CEP68: variants seen among roughly 807,000 people sequenced by gnomAD.
CEP68 encodes the protein centrosomal protein 68, also known as centrosomal protein of 68 kDa.
A neutral mutation model predicts 55.3 loss-of-function variants in CEP68; 26 were observed. That is an observed-to-expected ratio of 0.47 (90% CI 0.34 to 0.65). The LOEUF is 0.65. CEP68 is among the 30% of genes least tolerant of loss of function. CEP68 has a pLI of 0.01. For missense variants in CEP68, 957 were observed against 946.7 expected, an observed-to-expected ratio of 1.01 and a Z score of -0.14; for synonymous variants, 402 against 383.2, an observed-to-expected ratio of 1.05 and a Z score of -0.57.
intron 2 of CEP68, among the ~76,000 whole-genome samples, chr2:65,070,113 C>T (rs536208905): frequency 6.6e-6 from 1 of 152,236 alleles, no homozygotes; most frequent in Non-Finnish European, 1.5e-5. Context: ...AGAGCCCTGC[C>T]GTGTTTCTGA....
chr2:65,071,241 A>T (rs1196512743), intron 2 of CEP68: 4 of 582,274 alleles, frequency 6.9e-6, no homozygotes, highest in Non-Finnish European at 1.2e-5. Flanking sequence ...AGGACTGGAG[A>T]TGGGAGTCAT....
rs753193914 is a variant in CEP68 at position 65,072,572 on chromosome 2, T to G, written c.1476T>G (p.Val492=). ...YLALPARLTQ[V]SSLVSYLGSI... ...CCCTCCCCGCTCGGCTGACACAGGT[T>G]TCTAGCCTGGTTTCGTATCTAGGAT... Residue 492 remains valine, a synonymous_variant, in exon 3 of 7, where the codon GTT becomes GTG. Coordinates refer to ENST00000377990, the MANE Select transcript of CEP68 (RefSeq NM_015147.3). 3.7e-6 allele frequency: 6 copies of G among 1,613,920 alleles called. No homozygotes were observed. Among genetic ancestry groups the G allele is most frequent in the Non-Finnish European group, 4.2e-6 (5 of 1,179,990 alleles).
intron 6 of CEP68, among the ~76,000 whole-genome samples, chr2:65,082,955 C>T (rs1371248253): frequency 6.6e-6 from 1 of 152,208 alleles, no homozygotes; most frequent in Non-Finnish European, 1.5e-5. Context: ...GCTGCCATTT[C>T]TATGGCACTT....
Position 65,084,987 on chromosome 2 carries a change from T to A in CEP68, c.*1353T>A, listed in dbSNP as rs1332250646. ...AATAATTGTCAATTATAAACCTGTA[T>A]GTAAAACATTCTTGAAAACCTAGAG... On this transcript the variant is annotated 3_prime_UTR_variant, in exon 7 of 7. Coordinates refer to ENST00000377990, the MANE Select transcript of CEP68 (RefSeq NM_015147.3). 6.6e-6 allele frequency: 1 copy of A among 152,232 alleles called. No individual in the cohort carries two copies. The highest frequency in any genetic ancestry group is 1.5e-5 in the Non-Finnish European group (1 of 68,044). The allele number at this position is 152,232 out of a possible 1,614,324, so 9.4% of individuals were successfully genotyped here.
At chr2:65,079,043 C>G (rs943948283) in intron 5 of CEP68, among the ~76,000 whole-genome samples, 1 of 152,142 alleles carries the variant, frequency 6.6e-6, no homozygotes, top group Non-Finnish European at 1.5e-5. Context: ...GATGGCAGCC[C>G]CTAATTTCCT....
Position 65,069,639 on chromosome 2 carries a change from T to C in CEP68, c.195T>C (p.Thr65=), listed in dbSNP as rs780134055. 1.9e-6 allele frequency: 3 copies of C among 1,614,056 alleles called. No homozygotes were observed. The highest frequency in any genetic ancestry group is 2.5e-6 in the Non-Finnish European group (3 of 1,180,028). Reference sequence around the variant, plus strand: ...GGGCAGAAGGGATACCTGCCCCTACTTGCTGGATTGGGACTGACCCTGGCG... The same window carrying C: ...GGGCAGAAGGGATACCTGCCCCTACCTGCTGGATTGGGACTGACCCTGGCG... The part of the protein sequence containing the change: ...VWGAEGIPAP[T]CWIGTDPGGP... Residue 65 remains threonine (T), a synonymous_variant, in exon 2 of 7, where the codon ACT becomes ACC. Transcript: ENST00000377990.
At chr2:65,066,678 GA>G (rs1160130065) in intron 1 of CEP68, among the ~76,000 whole-genome samples, 2 of 129,212 alleles carry the variant, frequency 1.5e-5, no homozygotes, top group Non-Finnish European at 3.1e-5. Context: ...AGTGAGCCGA[GA>G]TCACACCACT....
chr2:65,063,719 C>CAGGG (rs2103752248), intron 1 of CEP68, among the ~76,000 whole-genome samples: 1 of 152,322 alleles, frequency 6.6e-6, no homozygotes, highest in South Asian at 2.1e-4. Context: ...CAGATGCAGA[C>CAGGG]AGGGTTGAGT....
At chr2:65,058,535 T>G (rs113197381) in intron 1 of CEP68, among the ~76,000 whole-genome samples, 6,529 of 138,728 alleles carry the variant, frequency 0.047, 241 homozygotes, top group Non-Finnish European at 0.072. Flanking sequence ...AGAGGGAGTT[T>G]CACTCTTCTT....
intron 4 of CEP68, 181 bp downstream of exon 4, chr2:65,074,585 T>C: frequency 1.2e-6 from 1 of 853,932 alleles, no homozygotes; most frequent in Non-Finnish European, 1.9e-6. Flanking sequence ...ATGCATGAAT[T>C]ATTTCCCAGG....
At chr2:65,061,813 A>G (rs1198824755) in intron 1 of CEP68, among the ~76,000 whole-genome samples, 1 of 152,110 alleles carries the variant, frequency 6.6e-6, no homozygotes, top group Non-Finnish European at 1.5e-5. Flanking sequence ...GGCTTCCCCT[A>G]CGTGTCTTTA....
At chr2:65,081,660 A>T (rs1436889730) in intron 5 of CEP68, among the ~76,000 whole-genome samples, 1 of 152,114 alleles carries the variant, frequency 6.6e-6, no homozygotes. Flanking sequence ...ACACTGCGGG[A>T]GTGAATCTTC....
chr2:65,069,359 A>T (rs1033685820), intron 1 of CEP68, 40 bp from the exon 2 acceptor site: 2 of 1,042,208 alleles, frequency 1.9e-6, no homozygotes, highest in Admixed American at 2.4e-5. Context: ...ACACAGATGT[A>T]GAAGATTTAT....
rs1573056052 is a variant in CEP68 at position 65,084,934 on chromosome 2, A to T, written c.*1300A>T. The T allele has an allele frequency of 6.6e-6, 1 of 152,234 alleles. No homozygotes were observed. Among genetic ancestry groups the T allele is most frequent in the African/African-American group, 2.4e-5 (1 of 41,466 alleles). The allele number at this position is 152,234 out of a possible 1,614,324, so 9.4% of individuals were successfully genotyped here. A position where few individuals can be genotyped will look rare whatever the true frequency, so the allele number is the denominator to read the frequency against. ...TCATCTTAGTTCCATACACACTGAG[A>T]CTTTAAAAGGGAAAAACCACTCTAG... On this transcript the variant is annotated 3_prime_UTR_variant, in exon 7 of 7. Transcript: ENST00000377990.
At chr2:65,066,933 CAA>C (rs1024556121) in intron 1 of CEP68, among the ~76,000 whole-genome samples, 2 of 129,408 alleles carry the variant, frequency 1.5e-5, no homozygotes, top group Non-Finnish European at 1.7e-5. Flanking sequence ...GACTCTGTCT[CAA>C]AAAAAAAAAA....
Position 65,071,583 on chromosome 2 carries a change from G to T in CEP68, c.487G>T (p.Ala163Ser). 6.2e-7 allele frequency: 1 copy of T among 1,614,154 alleles called. No individual in the cohort carries two copies. Among genetic ancestry groups the T allele is most frequent in the Non-Finnish European group, 8.5e-7 (1 of 1,180,020 alleles). ...DDPSLADLPQ[A>S]LDLSQQPHSS... ...TCCATCCCTAGCAGATTTGCCCCAG[G>T]CACTGGACCTCAGCCAGCAGCCTCA... Residue 163 changes from alanine to serine, a missense_variant, in exon 3 of 7, where the codon GCA (alanine) becomes TCA (serine). Coordinates refer to ENST00000377990, the MANE Select transcript of CEP68 (RefSeq NM_015147.3).
In CEP68 at chr2:65,074,394, A is replaced by G. The variant is rs1342278158; in HGVS notation, c.1997A>G (p.Gln666Arg). ...SNLTSLKSSL[Q>R]LYRQFKKDID... ...CTTACAAGTCTCAAGTCTTCTCTGCAGCTTTACCGGGTAATATGCGGTCCT... is the reference window on the plus strand; with the variant it reads ...CTTACAAGTCTCAAGTCTTCTCTGCGGCTTTACCGGGTAATATGCGGTCCT... Residue 666 changes from glutamine to arginine, a missense_variant, in exon 4 of 7, where the codon CAG becomes CGG. Transcript: ENST00000377990. 1.6e-5 allele frequency: 26 copies of G among 1,614,076 alleles called. No individual in the cohort carries two copies. The highest frequency in any genetic ancestry group is 2.2e-5 in the Non-Finnish European group (26 of 1,180,026).
intron 4 of CEP68, among the ~76,000 whole-genome samples, chr2:65,076,177 A>G (rs112997056): frequency 6.6e-6 from 1 of 152,152 alleles, no homozygotes; most frequent in East Asian, 1.9e-4. Flanking sequence ...TCCTGTATGC[A>G]GACTCCACGT....
At chr2:65,074,903 T>C (rs1676692169) in intron 4 of CEP68, 2 of 197,810 alleles carry the variant, frequency 1.0e-5, no homozygotes, top group Admixed American at 1.1e-4. Flanking sequence ...TATGTATGGC[T>C]ATTGAAGTAA....
Sources: allele counts gnomAD v4.1 joint callset (sites outside exome capture counted in the v4.1 genomes callset), GRCh38; gene constraint gnomAD v4.1.1; transcripts MANE v1.5; gene names NCBI Gene and HGNC (gene_info 2026-07-23, HGNC 2026-07-21).